PMVK: variants seen among roughly 807,000 people sequenced by gnomAD.
PMVK encodes the protein phosphomevalonate kinase, also known as testis tissue sperm-binding protein Li 95mP.
In PMVK, 10 loss-of-function variants were observed where a neutral mutation model predicts 19.0. The observed-to-expected ratio is 0.53, with a 90% CI of 0.32 to 0.89. The LOEUF (loss-of-function observed/expected upper bound fraction) is 0.89, where lower values mean the gene tolerates loss of function less well. PMVK is among the 40% of genes least tolerant of loss of function. The pLI, the probability that PMVK is intolerant of heterozygous loss-of-function variation, is 0.03. For missense variants in PMVK, 222 were observed against 251.1 expected, an observed-to-expected ratio of 0.88 and a Z score of 0.78; for synonymous variants, 108 against 101.6, an observed-to-expected ratio of 1.06 and a Z score of -0.38.
chr1:154,931,538 C>A (rs958308182), intron 2 of PMVK, among the ~76,000 whole-genome samples: 1 of 152,180 alleles, frequency 6.6e-6, no homozygotes, highest in Admixed American at 6.5e-5. Flanking sequence ...TCCCTGGGGG[C>A]AACCAATGGT....
At chr1:154,928,774 AAAATAAATAAATAAATAAAT>A (rs55948301) in intron 3 of PMVK, among the ~76,000 whole-genome samples, 2 of 142,024 alleles carry the variant, frequency 1.4e-5, no homozygotes, top group South Asian at 2.2e-4. Context: ...CTCCATCTCA[AAAATAAATAAATAAATAAAT>A]AAATAAATAA....
chr1:154,924,877 C>G lies in PMVK; in HGVS notation c.*252G>C. 2.0e-6 allele frequency: 1 copy of G among 500,978 alleles called. No individual in the cohort carries two copies. The highest frequency in any genetic ancestry group is 3.6e-6 in the Non-Finnish European group (1 of 275,244). 31.0% of individuals were successfully genotyped at this position (500,978 alleles called of 1,614,324 possible). On this transcript the variant is annotated 3_prime_UTR_variant, in exon 5 of 5. Coordinates refer to ENST00000368467, the MANE Select transcript of PMVK (RefSeq NM_006556.4). ...TGGCACTGGGGATATGGCAGGGTTT[C>G]GCCTTCAAGCACAGCCAAGACACCC...
chr1:154,929,556 A>G (rs1026766785), intron 2 of PMVK, among the ~76,000 whole-genome samples: 1 of 152,024 alleles, frequency 6.6e-6, no homozygotes, highest in African/African-American at 2.4e-5. Context: ...GGGGGGAAAA[A>G]AAATCCTGCA....
chr1:154,936,730 A>T, upstream of PMVK: 4 of 1,513,840 alleles, frequency 2.6e-6, no homozygotes, highest in Non-Finnish European at 3.6e-6. Context: ...ACTTCTCCCT[A>T]CCCCTAAAAT....
chr1:154,928,939 T>C, intron 3 of PMVK, 85 bp downstream of exon 3: 2 of 1,338,550 alleles, frequency 1.5e-6, no homozygotes, highest in South Asian at 1.2e-5. Context: ...TGGGCCAGGA[T>C]GGTGGCAGTG....
At chr1:154,941,285 G>T (rs981720120), upstream of PMVK, among the ~76,000 whole-genome samples, 3 of 152,230 alleles carry the variant, frequency 2.0e-5, no homozygotes, top group Admixed American at 6.5e-5. Flanking sequence ...CACCTATCCT[G>T]GGTGCCAAAG....
intron 3 of PMVK, among the ~76,000 whole-genome samples, chr1:154,927,459 A>C (rs1386033609): frequency 6.7e-6 from 1 of 149,418 alleles, no homozygotes; most frequent in Non-Finnish European, 1.5e-5. Context: ...AAAAAAAAAA[A>C]AAAAAAAAAA....
At chr1:154,939,714 A>T (rs2101977588), upstream of PMVK, among the ~76,000 whole-genome samples, 1 of 151,760 alleles carries the variant, frequency 6.6e-6, no homozygotes, top group East Asian at 1.9e-4. Flanking sequence ...CAAAAAAAAA[A>T]AAAAAAAAGA....
chr1:154,937,421 G>T (rs1654545359), upstream of PMVK: 1 of 152,268 alleles, frequency 6.6e-6, no homozygotes, highest in Non-Finnish European at 1.5e-5. Flanking sequence ...TCTAGCCGCA[G>T]CCTCCGGCCC....
intron 3 of PMVK, 80 bp from the exon 4 acceptor site, chr1:154,926,563 G>A: frequency 7.6e-7 from 1 of 1,318,380 alleles, no homozygotes; most frequent in East Asian, 2.4e-5. Context: ...CAGAACCCAG[G>A]GCAGTGTGGG....
intron 1 of PMVK, 174 bp downstream of exon 1, chr1:154,936,417 T>C (rs1382853896): frequency 1.0e-6 from 1 of 985,332 alleles, no homozygotes; most frequent in Non-Finnish European, 1.2e-6. Flanking sequence ...GGCTCGCCTG[T>C]GTAGACTACT....
chr1:154,940,731 A>G (rs1654623284), upstream of PMVK, among the ~76,000 whole-genome samples: 1 of 152,246 alleles, frequency 6.6e-6, no homozygotes, highest in Admixed American at 6.5e-5. Context: ...CAGCTAATCC[A>G]ATTAGCCTCG....
chr1:154,936,566 T>C, intron 1 of PMVK, 25 bp downstream of exon 1: 2 of 1,579,738 alleles, frequency 1.3e-6, no homozygotes, highest in East Asian at 2.3e-5. Flanking sequence ...AGCTCCCCCT[T>C]CCACCTTTCC....
Position 154,925,001 on chromosome 1 carries a change from AC to A in PMVK, c.*127del. 1 of 602,612 alleles carries A rather than the reference AC, an allele frequency of 1.7e-6. No homozygotes were observed. Among genetic ancestry groups the A allele is most frequent in the Non-Finnish European group, 2.8e-6 (1 of 361,512 alleles). The allele number at this position is 602,612 out of a possible 1,614,324, so 37.3% of individuals were successfully genotyped here. ...TTCCTGCCTTGCCCAATATCCACCA[AC>A]CCCCTCAGAATCTAGACCCCCCCTG... On this transcript the variant is annotated 3_prime_UTR_variant, in exon 5 of 5. Coordinates refer to ENST00000368467, the MANE Select transcript of PMVK (RefSeq NM_006556.4).
In PMVK at chr1:154,928,774, A is replaced by AAAAT. The variant is rs55948301; in HGVS notation, c.312+246_312+249dup. Among the ~76,000 whole-genome samples the AAAAT allele has an allele frequency of 0.32, 45,914 of 141,816 alleles. 7,675 individuals are homozygous for AAAAT. Among genetic ancestry groups the AAAAT allele is most frequent in the African/African-American group, 0.37 (13,881 of 37,286 alleles). The allele number at this position is 141,816 out of a possible 152,430, so 93.0% of individuals were successfully genotyped here. ...GCGACAAGTGTGAGACTCCATCTCA[A>AAAAT]AAATAAATAAATAAATAAATAAATA... On this transcript the variant is annotated intron_variant, in intron 3 of 4. Coordinates refer to ENST00000368467, the MANE Select transcript of PMVK (RefSeq NM_006556.4).
chr1:154,925,415 C>T (rs1654118854), intron 4 of PMVK, 150 bp from the exon 5 acceptor site: 1 of 775,898 alleles, frequency 1.3e-6, no homozygotes, highest in Non-Finnish European at 2.2e-6. Flanking sequence ...CACCTCCCTA[C>T]CCCTGAAACA....
chr1:154,927,607 C>T (rs1215549797), intron 3 of PMVK, among the ~76,000 whole-genome samples: 2 of 152,036 alleles, frequency 1.3e-5, no homozygotes, highest in Admixed American at 6.6e-5. Context: ...GACTCCCCAT[C>T]TCACTCAGAA....
upstream of PMVK, chr1:154,936,940 A>G: frequency 2.0e-6 from 1 of 497,692 alleles, no homozygotes; most frequent in Non-Finnish European, 3.7e-6. Flanking sequence ...CCCCTCGTGA[A>G]GCTCCCCCAC....
rs569824366 is a variant in PMVK, at chr1:154,926,225, A to G, written c.442+129T>C. 3.1e-5 allele frequency: 25 copies of G among 809,930 alleles called. No homozygotes were observed. In the African/African-American group the frequency reaches 4.0e-4, roughly 13 times the overall value. 50.2% of individuals were successfully genotyped at this position (809,930 alleles called of 1,614,324 possible). On this transcript the variant is annotated intron_variant, in intron 4 of 4. Transcript: ENST00000368467. ...CCCTCAGGATTCTGTCCACCATGCT[A>G]CTCCCTAATCAGGAGGCCTCAGATT...
Sources: allele counts gnomAD v4.1 joint callset (sites outside exome capture counted in the v4.1 genomes callset), GRCh38; gene constraint gnomAD v4.1.1; transcripts MANE v1.5; gene names NCBI Gene and HGNC (gene_info 2026-07-23, HGNC 2026-07-21).